The following C2 variants were observed in gnomAD, a reference collection of about 807,000 sequenced individuals.
C2 encodes the protein complement C2.
A neutral mutation model predicts 85.2 loss-of-function variants in C2; 64 were observed. The ratio of observed to expected loss-of-function variants is 0.75; its 90% CI spans 0.61 to 0.92. The LOEUF is 0.92. C2 is among the 40% of genes least tolerant of loss of function. C2 has a pLI of 0.00. For missense variants in C2, 820 were observed against 971.6 expected (o/e 0.84, Z 2.07); for synonymous variants, 311 against 370.8 (o/e 0.84, Z 1.85).
upstream of C2, among the ~76,000 whole-genome samples, chr6:31,899,287 A>G (rs1254688547): frequency 1.0e-5 from 1 of 98,486 alleles, no homozygotes; most frequent in Non-Finnish European, 1.8e-5. Context: ...GTTTCTTGCT[A>G]TTGTACCCCC....
upstream of C2, among the ~76,000 whole-genome samples, chr6:31,923,033 A>G (rs1436664690): frequency 2.0e-5 from 3 of 152,142 alleles, no homozygotes; most frequent in Non-Finnish European, 2.9e-5. Flanking sequence ...TGTTTTTTAG[A>G]TATTATTCAC....
chr6:31,918,917 A>G (rs1029472406), upstream of C2, among the ~76,000 whole-genome samples: 1 of 151,382 alleles, frequency 6.6e-6, no homozygotes, highest in African/African-American at 2.4e-5. Flanking sequence ...CCTGGAAGGA[A>G]TGGTTGGTGG....
Position 31,945,600 on chromosome 6 carries a change from T to C in C2, c.*243T>C, listed in dbSNP as rs1771342733. On this transcript the variant is annotated 3_prime_UTR_variant, in exon 18 of 18. Transcript: ENST00000299367. This position sits in a 1 kb window ranked among gnomAD's most constrained non-coding sequence, Gnocchi z 5.3. The stretch of plus-strand genomic sequence containing the variant: ...TCCCCAGATTCCTTCCCTGGTTGAC[T>C]TGACTCATGCTTGTTTCACTTTCAC... 2 of 591,942 alleles carry C rather than the reference T, an allele frequency of 3.4e-6. No individual in the cohort carries two copies. Among genetic ancestry groups the C allele is most frequent in the Non-Finnish European group, 6.0e-6 (2 of 331,988 alleles). The allele number at this position is 591,942 out of a possible 1,614,324, so 36.7% of individuals were successfully genotyped here.
upstream of C2, among the ~76,000 whole-genome samples, chr6:31,927,186 T>G (rs973304716): frequency 6.6e-6 from 1 of 152,222 alleles, no homozygotes; most frequent in African/African-American, 2.4e-5. The surrounding 1 kb of genome is among the most constrained non-coding windows in gnomAD (Gnocchi z 4.7). Flanking sequence ...TATCAAGAAG[T>G]TCTAAAAAAA....
At chr6:31,941,654 A>T (rs1770886512) in intron 9 of C2, 1 of 152,102 alleles carries the variant, frequency 6.6e-6, no homozygotes, top group Admixed American at 6.6e-5. Flanking sequence ...GGCATGTGCC[A>T]CCATGCCCGG....
chr6:31,925,972 T>C (rs1428370843), upstream of C2, among the ~76,000 whole-genome samples: 3 of 152,174 alleles, frequency 2.0e-5, no homozygotes, highest in Non-Finnish European at 4.4e-5. Context: ...CTCATCCTCC[T>C]GGTGGAAGAC....
chr6:31,927,503 G>A, upstream of C2: 1 of 1,433,678 alleles, frequency 7.0e-7, no homozygotes, highest in Non-Finnish European at 9.1e-7. This position sits in a 1 kb window ranked among gnomAD's most constrained non-coding sequence, Gnocchi z 4.7. Context: ...CACAAAGCCT[G>A]TGGGGGAGAT....
At chr6:31,938,197 G>C (rs979404168) in intron 8 of C2, among the ~76,000 whole-genome samples, 1 of 152,040 alleles carries the variant, frequency 6.6e-6, no homozygotes, top group African/African-American at 2.4e-5. Context: ...CTTGGAGATA[G>C]ATGAGGAAAC....
chr6:31,939,398 C>T, intron 9 of C2, 78 bp downstream of exon 9: 1 of 1,101,016 alleles, frequency 9.1e-7, no homozygotes, highest in Non-Finnish European at 1.4e-6. Context: ...ATCCCAGCAT[C>T]TTAGCTATGG....
chr6:31,925,870 T>C (rs1448617331), upstream of C2, among the ~76,000 whole-genome samples: 1 of 152,166 alleles, frequency 6.6e-6, no homozygotes, highest in Non-Finnish European at 1.5e-5. Flanking sequence ...TGTAACAATC[T>C]AAGTGGCTGT....
At chr6:31,913,251 G>T (rs1768245979) in intron 1 of C2, among the ~76,000 whole-genome samples, 1 of 151,940 alleles carries the variant, frequency 6.6e-6, no homozygotes, top group Non-Finnish European at 1.5e-5. Flanking sequence ...ACTGTAGTCT[G>T]GATACTTCAG....
upstream of C2, among the ~76,000 whole-genome samples, chr6:31,915,101 T>C (rs1768414770): frequency 6.6e-6 from 1 of 152,220 alleles, no homozygotes; most frequent in Non-Finnish European, 1.5e-5. Context: ...GGACTCTAAA[T>C]GTCTCTTAAC....
chr6:31,933,136 AGGGT>A (rs1770064519), intron 3 of C2, among the ~76,000 whole-genome samples: 1 of 152,010 alleles, frequency 6.6e-6, no homozygotes, highest in Admixed American at 6.6e-5. Flanking sequence ...CCATGGGGAG[AGGGT>A]GAGGGAGAGG....
intron 1 of C2, among the ~76,000 whole-genome samples, chr6:31,912,766 G>A (rs1294969767): frequency 6.6e-6 from 1 of 151,506 alleles, no homozygotes; most frequent in African/African-American, 2.4e-5. Flanking sequence ...CTTGAACCTG[G>A]GAGGCAGAGG....
Position 31,928,932 on chromosome 6 carries a change from T to C in C2, c.442+15T>C. The stretch of plus-strand genomic sequence containing the variant: ...TGATAATGGGGGTGAGTTCTCTGGC[T>C]GATGGGCTACACAGGGGGCTGGGGT... On this transcript the variant is annotated intron_variant, in intron 3 of 17. Coordinates refer to ENST00000299367, the MANE Select transcript of C2 (RefSeq NM_000063.6). 6.2e-7 allele frequency: 1 copy of C among 1,604,566 alleles called. No homozygotes were observed. The highest frequency in any genetic ancestry group is 8.5e-7 in the Non-Finnish European group (1 of 1,173,972).
chr6:31,944,082 C>T lies in C2; in HGVS notation c.1811-53C>T. On this transcript the variant is annotated intron_variant, in intron 14 of 17. Coordinates refer to ENST00000299367, the MANE Select transcript of C2 (RefSeq NM_000063.6). This position sits in a 1 kb window ranked among gnomAD's most constrained non-coding sequence, Gnocchi z 5.1. ...TAGGCTGCAGTCCCCAAGCCAGGAA[C>T]CTGGATTCTGGGTAAAAGGACCAGC... is the stretch of plus-strand genomic sequence containing the variant. 5 of 1,593,204 alleles carry T rather than the reference C, an allele frequency of 3.1e-6. No individual in the cohort carries two copies. The highest frequency in any genetic ancestry group is 4.3e-6 in the Non-Finnish European group (5 of 1,161,978).
chr6:31,901,082 A>G (rs1225094144), exon 1 of C2: 1 of 1,614,182 alleles, frequency 6.2e-7, no homozygotes, highest in Non-Finnish European at 8.5e-7. Flanking sequence ...TGCACTGTGC[A>G]TCAGGGAGAC....
intron 7 of C2, 112 bp from the exon 8 acceptor site, chr6:31,937,207 A>T (rs58719596): frequency 0.086 from 14,263 of 165,096 alleles, 309 homozygotes; most frequent in Admixed American, 0.43. Context: ...AGACTCTCTC[A>T]AAAAAAAAAA....
chr6:31,908,267 T>C (rs1767862169), intron 1 of C2, among the ~76,000 whole-genome samples: 1 of 151,798 alleles, frequency 6.6e-6, no homozygotes, highest in South Asian at 2.1e-4. Context: ...GTGTTGAGTC[T>C]ACAGGCATGA....
Sources: gnomAD v4.1 joint callset for allele counts (sites outside exome capture counted in the v4.1 genomes callset) on GRCh38, gnomAD v4.1.1 for gene constraint, Gnocchi (gnomAD v3.1) non-coding constraint, MANE v1.5 for transcripts, NCBI Gene and HGNC (gene_info 2026-07-23, HGNC 2026-07-21) for gene names.